The following DPYD variants were observed in gnomAD, a reference collection of about 807,000 sequenced individuals.
The protein encoded by DPYD is dihydropyrimidine dehydrogenase [NADP(+)].
In DPYD, 109 loss-of-function variants were observed where a neutral mutation model predicts 116.2. The ratio of observed to expected loss-of-function variants is 0.94; its 90% CI spans 0.80 to 1.10. DPYD has a LOEUF of 1.10. Ranked by LOEUF, DPYD falls within the 50% of genes least tolerant of loss-of-function variation. The pLI is 0.00. For missense variants in DPYD, 1,302 were observed against 1,254.5 expected, an observed-to-expected ratio of 1.04 and a Z score of -0.57; for synonymous variants, 440 against 432.0, an observed-to-expected ratio of 1.02 and a Z score of -0.23.
At chr1:97,605,023 T>C (rs898930500) in intron 8 of DPYD, among the ~76,000 whole-genome samples, 2 of 152,084 alleles carry the variant, frequency 1.3e-5, no homozygotes, top group African/African-American at 4.8e-5. Context: ...ACTCTAGCAT[T>C]AAATCAATTA....
At chr1:97,842,236 A>C (rs1670074563) in intron 2 of DPYD, among the ~76,000 whole-genome samples, 1 of 151,996 alleles carries the variant, frequency 6.6e-6, no homozygotes, top group South Asian at 2.1e-4. Flanking sequence ...TTTATCAAAC[A>C]TATTAAATAT....
intron 3 of DPYD, among the ~76,000 whole-genome samples, chr1:97,743,535 A>G (rs543791811): frequency 7.2e-5 from 11 of 152,270 alleles, no homozygotes; most frequent in African/African-American, 2.6e-4. Flanking sequence ...CTATTTGACA[A>G]TAAATTATCC....
chr1:97,158,635 G>C (rs776407060), intron 20 of DPYD, among the ~76,000 whole-genome samples: 1 of 151,854 alleles, frequency 6.6e-6, no homozygotes, highest in African/African-American at 2.4e-5. Flanking sequence ...AGGCTCAGGG[G>C]GTGGTACCAA....
intron 20 of DPYD, among the ~76,000 whole-genome samples, chr1:97,176,215 G>A (rs12035560): frequency 0.11 from 17,046 of 152,226 alleles, 1,225 homozygotes; most frequent in East Asian, 0.38. Flanking sequence ...TGGGGGGAGA[G>A]TGGATAAGTG....
intron 3 of DPYD, among the ~76,000 whole-genome samples, chr1:97,809,459 T>C (rs991653077): frequency 6.6e-6 from 1 of 152,208 alleles, no homozygotes; most frequent in Non-Finnish European, 1.5e-5. Flanking sequence ...TGGACTGAAG[T>C]GGTAGTCTTA....
intron 5 of DPYD, 46 bp downstream of exon 5, chr1:97,721,464 G>A (rs1458320307): frequency 6.2e-7 from 1 of 1,604,326 alleles, no homozygotes; most frequent in Admixed American, 1.7e-5. Flanking sequence ...AGATATTTGT[G>A]CATGGTGATG....
intron 2 of DPYD, among the ~76,000 whole-genome samples, chr1:97,853,759 G>A (rs1376804376): frequency 6.6e-6 from 1 of 152,198 alleles, no homozygotes; most frequent in Non-Finnish European, 1.5e-5. Flanking sequence ...CAGAAGTCAA[G>A]TGACTTGTCT....
At chr1:97,374,123 A>G (rs1415396294) in intron 15 of DPYD, among the ~76,000 whole-genome samples, 1 of 152,216 alleles carries the variant, frequency 6.6e-6, no homozygotes, top group East Asian at 1.9e-4. Context: ...GGGATTAGGC[A>G]TACAAACAAA....
intron 1 of DPYD, among the ~76,000 whole-genome samples, chr1:97,885,382 A>G (rs1016312788): frequency 6.6e-6 from 1 of 152,026 alleles, no homozygotes; most frequent in Non-Finnish European, 1.5e-5. Flanking sequence ...TAATTCCACA[A>G]TCAACATATC....
chr1:97,711,191 A>C (rs1162428534), intron 5 of DPYD, among the ~76,000 whole-genome samples: 1 of 151,896 alleles, frequency 6.6e-6, no homozygotes, highest in Non-Finnish European at 1.5e-5. Context: ...TGTTATTATG[A>C]CTAAACAAAG....
At chr1:97,386,572 C>T (rs962732644) in intron 14 of DPYD, among the ~76,000 whole-genome samples, 2 of 152,090 alleles carry the variant, frequency 1.3e-5, no homozygotes, top group Non-Finnish European at 2.9e-5. Context: ...TATGATTTAA[C>T]AGTCTTGACA....
chr1:97,459,304 AC>A (rs1416838548), intron 13 of DPYD, among the ~76,000 whole-genome samples: 4 of 152,188 alleles, frequency 2.6e-5, no homozygotes, highest in Non-Finnish European at 5.9e-5. Context: ...GAATAGCTTA[AC>A]AAGGTAAAGG....
At chr1:97,406,755 T>C (rs1296214992) in intron 14 of DPYD, among the ~76,000 whole-genome samples, 2 of 152,174 alleles carry the variant, frequency 1.3e-5, no homozygotes, top group Non-Finnish European at 2.9e-5. Context: ...CTATAAGTCA[T>C]TCACTGTTTT....
At chr1:97,889,974 T>C (rs556308086) in intron 1 of DPYD, among the ~76,000 whole-genome samples, 9 of 152,128 alleles carry the variant, frequency 5.9e-5, no homozygotes, top group Admixed American at 5.9e-4. Flanking sequence ...AACAATATGA[T>C]GAATACTGTA....
chr1:97,540,580 C>A (rs189051666), intron 12 of DPYD, among the ~76,000 whole-genome samples: 8 of 152,078 alleles, frequency 5.3e-5, no homozygotes, highest in Middle Eastern at 3.2e-3. Context: ...CCTGGAAGCA[C>A]CCCCGTCACC....
chr1:97,866,727 A>C (rs1267433269), intron 2 of DPYD, among the ~76,000 whole-genome samples: 3 of 151,982 alleles, frequency 2.0e-5, no homozygotes, highest in African/African-American at 2.4e-5. Flanking sequence ...ATGCTGGATG[A>C]TGAATGTTAC....
At chr1:97,529,735 TTTCC>T (rs1290630064) in intron 12 of DPYD, among the ~76,000 whole-genome samples, 1 of 148,668 alleles carries the variant, frequency 6.7e-6, no homozygotes, top group African/African-American at 2.5e-5. Flanking sequence ...CTTTCCTTTC[TTTCC>T]TTCTTTCCCT....
At position 97,581,281 on chromosome 1, in the gene DPYD, C is replaced by G. The variant is rs541386589; in HGVS notation, c.1129-7311G>C. ...AGTGGAGGTTGCAGTGAGCTGAGAT[C>G]GCACCACTGCACTCCAGCCTGGGCG... On this transcript the variant is annotated intron_variant, in intron 10 of 22. Transcript: ENST00000370192. Among the ~76,000 whole-genome samples, 52 of 134,616 alleles carry G rather than the reference C, an allele frequency of 3.9e-4. 1 individual carries two copies. The highest frequency in any genetic ancestry group is 1.2e-3 in the African/African-American group (43 of 36,218). 88.3% of individuals were successfully genotyped at this position (134,616 alleles called of 152,430 possible). A position where few individuals can be genotyped will look rare whatever the true frequency, so the allele number is the denominator to read the frequency against.
At chr1:97,438,264 A>G (rs1309015674) in intron 14 of DPYD, among the ~76,000 whole-genome samples, 4 of 151,998 alleles carry the variant, frequency 2.6e-5, no homozygotes, top group Non-Finnish European at 5.9e-5. Context: ...AAGGTTTGCT[A>G]ATATTTTGAT....
Sources: gnomAD v4.1 joint callset for allele counts (sites outside exome capture counted in the v4.1 genomes callset) on GRCh38, gnomAD v4.1.1 for gene constraint, MANE v1.5 for transcripts, NCBI Gene and HGNC (gene_info 2026-07-23, HGNC 2026-07-21) for gene names.